MICU1: variants seen among roughly 807,000 people sequenced by gnomAD.
MICU1 encodes the protein mitochondrial calcium uptake 1.
In MICU1, 45 loss-of-function variants were observed where a neutral mutation model predicts 56.8. The ratio of observed to expected loss-of-function variants is 0.79; its 90% CI spans 0.62 to 1.02. The LOEUF (loss-of-function observed/expected upper bound fraction) is 1.02, where lower values mean the gene tolerates loss of function less well. Ranked by LOEUF, MICU1 falls within the 50% of genes least tolerant of loss-of-function variation. The pLI, the probability that MICU1 is intolerant of heterozygous loss-of-function variation, is 0.00. For synonymous variants in MICU1, 186 were observed against 195.1 expected, an observed-to-expected ratio of 0.95 and a Z score of 0.39; for missense variants, 504 against 587.1, an observed-to-expected ratio of 0.86 and a Z score of 1.46.
chr10:72,431,256 G>A (rs1864522029), intron 8 of MICU1, among the ~76,000 whole-genome samples: 1 of 152,054 alleles, frequency 6.6e-6, no homozygotes, highest in South Asian at 2.1e-4. Context: ...TCAGCCTCCT[G>A]AGTAGCAGGG....
At position 72,537,653 on chromosome 10, in the gene MICU1, G is replaced by GT. The variant is rs1303398926; in HGVS notation, c.494-3865dup. On this transcript the variant is annotated intron_variant, in intron 4 of 11. Transcript: ENST00000361114. ...CCAAGGCTCAGAAGGTTAAATGACTGTTTTTTTATTTTAACTCTAATAATC... is the reference window on the plus strand; with the variant it reads ...CCAAGGCTCAGAAGGTTAAATGACTGTTTTTTTTATTTTAACTCTAATAATC... Among the ~76,000 whole-genome samples the GT allele has an allele frequency of 5.3e-5, 8 of 152,172 alleles. No individual in the cohort carries two copies. In the East Asian group the frequency reaches 1.4e-3, roughly 26 times the overall value.
rs77476821 is a variant in MICU1 at position 72,414,797 on chromosome 10, T to C, written c.1072-6760A>G. Among the ~76,000 whole-genome samples, 52 of 152,220 alleles carry C rather than the reference T, an allele frequency of 3.4e-4. No homozygotes were observed. The East Asian group carries it at 8.9e-3, about 26-fold the overall frequency. ...CTTTGGAGTCAGCTGTAAAGCGAGATATCTAATGCTGACAGGCCATGATGA... is the reference window on the plus strand; with the variant it reads ...CTTTGGAGTCAGCTGTAAAGCGAGACATCTAATGCTGACAGGCCATGATGA... On this transcript the variant is annotated intron_variant, in intron 9 of 11. Coordinates refer to ENST00000361114, the MANE Select transcript of MICU1 (RefSeq NM_001195518.2).
chr10:72,465,085 C>T (rs1865748301), intron 8 of MICU1, among the ~76,000 whole-genome samples: 1 of 152,156 alleles, frequency 6.6e-6, no homozygotes, highest in Non-Finnish European at 1.5e-5. Context: ...CCCGCAACCT[C>T]CACCTCCTGG....
intron 10 of MICU1, among the ~76,000 whole-genome samples, chr10:72,394,640 C>A (rs1169746490): frequency 7.3e-5 from 11 of 150,190 alleles, no homozygotes; most frequent in Non-Finnish European, 1.3e-4. Flanking sequence ...AAAAAAAAAA[C>A]CCACCCATAT....
intron 10 of MICU1, among the ~76,000 whole-genome samples, chr10:72,376,969 G>A (rs1022388105): frequency 4.6e-5 from 7 of 151,980 alleles, no homozygotes; most frequent in Non-Finnish European, 7.4e-5. Flanking sequence ...AAGGCTTCAC[G>A]CCTTGGTGGG....
At chr10:72,438,332 G>A (rs1328995603) in intron 8 of MICU1, among the ~76,000 whole-genome samples, 1 of 152,196 alleles carries the variant, frequency 6.6e-6, no homozygotes, top group Non-Finnish European at 1.5e-5. Flanking sequence ...CAGAAATAAA[G>A]ATGTTCTTTG....
intron 1 of MICU1, among the ~76,000 whole-genome samples, chr10:72,608,555 A>G (rs1385127685): frequency 6.6e-6 from 1 of 152,250 alleles, no homozygotes; most frequent in African/African-American, 2.4e-5. Flanking sequence ...ATGAGGTACT[A>G]TTCACACACA....
At chr10:72,412,789 T>G (rs1182663353) in intron 9 of MICU1, among the ~76,000 whole-genome samples, 1 of 148,940 alleles carries the variant, frequency 6.7e-6, no homozygotes, top group East Asian at 2.0e-4. Context: ...AGGCAAAGGT[T>G]GCAGTGAGCC....
At chr10:72,546,060 T>C (rs942526273) in intron 4 of MICU1, among the ~76,000 whole-genome samples, 1 of 152,184 alleles carries the variant, frequency 6.6e-6, no homozygotes, top group African/African-American at 2.4e-5. Context: ...TTCTCATGTA[T>C]CTTTGGAATC....
At chr10:72,480,343 C>T (rs75885525) in intron 6 of MICU1, among the ~76,000 whole-genome samples, 6,849 of 152,246 alleles carry the variant, frequency 0.045, 507 homozygotes, top group African/African-American at 0.16. Context: ...TGATTTCAGA[C>T]GGGATCTGCT....
Position 72,566,721 on chromosome 10 carries a change from G to A in MICU1, c.73C>T (p.Gln25Ter). The A allele has an allele frequency of 1.2e-6, 2 of 1,612,762 alleles. No homozygotes were observed. The highest frequency in any genetic ancestry group is 1.7e-6 in the Non-Finnish European group (2 of 1,179,376). ...AGTCTTCGCCGGATCTGGATGGGCT[G>A]TGATCCTCCATGGTACCATCGAGAA... ...VGSRWYHGGS[Q>*]PIQIRRRLMM... The change falls in exon 2 of 12, where the codon CAG becomes TAG. Residue 25 changes from glutamine (Q) to a stop codon, truncating the protein, a stop_gained. Transcript: ENST00000361114. LOFTEE classifies it high-confidence loss of function.
intron 10 of MICU1, among the ~76,000 whole-genome samples, chr10:72,391,612 T>C (rs146324406): frequency 1.3e-5 from 2 of 152,142 alleles, no homozygotes; most frequent in Non-Finnish European, 2.9e-5. Flanking sequence ...CAGTTGGCCC[T>C]GGAACAACAC....
chr10:72,577,280 C>T (rs1385572732), intron 1 of MICU1, among the ~76,000 whole-genome samples: 1 of 151,940 alleles, frequency 6.6e-6, no homozygotes, highest in African/African-American at 2.4e-5. Context: ...GAGGCCGAGG[C>T]AGGCAGATCA....
At chr10:72,612,367 A>G (rs1420018326) in intron 1 of MICU1, among the ~76,000 whole-genome samples, 1 of 152,222 alleles carries the variant, frequency 6.6e-6, no homozygotes, top group East Asian at 1.9e-4. Context: ...CTGAGCCTAA[A>G]GAAAACATGC....
chr10:72,407,396 A>T (rs1863666010), intron 10 of MICU1, among the ~76,000 whole-genome samples: 1 of 152,226 alleles, frequency 6.6e-6, no homozygotes, highest in Admixed American at 6.5e-5. Context: ...TTCATAATGA[A>T]ATGTTGAGGG....
chr10:72,569,237 A>ATATATATATATATATATTTTTTTTTT, intron 1 of MICU1, among the ~76,000 whole-genome samples: 1 of 34,392 alleles, frequency 2.9e-5, no homozygotes, highest in Non-Finnish European at 5.1e-5. Flanking sequence ...ATATATATAT[A>ATATATATATATATATATTTTTTTTTT]TTTTTTTTTT....
At position 72,475,202 on chromosome 10, in the gene MICU1, G is replaced by A; in HGVS notation, c.831C>T (p.Ala277=). The A allele has an allele frequency of 3.1e-6, 5 of 1,611,190 alleles. No individual in the cohort carries two copies. The highest frequency in any genetic ancestry group is 4.2e-6 in the Non-Finnish European group (5 of 1,178,706). Reference sequence around the variant, plus strand: ...CAGCTCCAAAAAAGTAGGTTGTGAGGGCTGAACACAAGCCAGACTTGAGGG... The same window carrying A: ...CAGCTCCAAAAAAGTAGGTTGTGAGAGCTGAACACAAGCCAGACTTGAGGG... ...GNTLKSGLCS[A]LTTYFFGADL... Residue 277 remains alanine, a synonymous_variant, in exon 8 of 12, where the codon GCC becomes GCT. Transcript: ENST00000361114.
intron 1 of MICU1, 58 bp from the exon 2 acceptor site, chr10:72,566,852 T>C: frequency 1.4e-6 from 2 of 1,430,146 alleles, no homozygotes. Flanking sequence ...ATGATGATGA[T>C]GATGATCCTA....
At chr10:72,435,053 T>C (rs1018552191) in intron 8 of MICU1, among the ~76,000 whole-genome samples, 1 of 152,106 alleles carries the variant, frequency 6.6e-6, no homozygotes, top group African/African-American at 2.4e-5. Context: ...CATAGTTGAT[T>C]ATCTCCTCAT....
Sources: allele counts gnomAD v4.1 joint callset (sites outside exome capture counted in the v4.1 genomes callset), GRCh38; gene constraint gnomAD v4.1.1; transcripts MANE v1.5; gene names NCBI Gene and HGNC (gene_info 2026-07-23, HGNC 2026-07-21).